Variants in MATR3 observed in about 807,000 individuals in gnomAD.
MATR3 encodes matrin-3.
A neutral mutation model predicts 85.5 loss-of-function variants in MATR3; 4 were observed. The ratio of observed to expected loss-of-function variants is 0.05; its 90% CI spans 0.02 to 0.11. MATR3 has a LOEUF of 0.11. MATR3 is among the 10% of genes least tolerant of loss of function. MATR3 has a pLI of 1.00. For missense variants in MATR3, 685 were observed against 1,016.1 expected (o/e 0.67, Z 4.43); for synonymous variants, 336 against 343.1 (o/e 0.98, Z 0.23).
chr5:139,315,052 TTAA>T (rs983290768), intron 3 of MATR3: 22 of 272,640 alleles, frequency 8.1e-5, no homozygotes, highest in Non-Finnish European at 1.4e-4. Flanking sequence ...AGTAGCATTT[TTAA>T]TAATACATGC....
rs567908011 is a variant in MATR3, at chr5:139,297,922, CAA to C, written c.-178+4118_-178+4119del. Among the ~76,000 whole-genome samples, 1,369 of 152,240 alleles carry C rather than the reference CAA, an allele frequency of 9.0e-3. 6 individuals carry two copies. The highest frequency in any genetic ancestry group is 0.014 in the Non-Finnish European group (950 of 68,012). On this transcript the variant is annotated intron_variant, in intron 1 of 14. Coordinates refer to ENST00000394805, the MANE Select transcript of MATR3 (RefSeq NM_018834.6). ...AGGCAGAAACAGGTTAGTAGGAAAA[CAA>C]GAGGGGAGCTTGCCTGTGGAGAAGG...
At chr5:139,329,238 T>A in intron 14 of MATR3, 107 bp from the exon 15 acceptor site, 1 of 786,190 alleles carries the variant, frequency 1.3e-6, no homozygotes, top group Non-Finnish European at 2.2e-6. Context: ...GACAAAATTA[T>A]AGTTTAAGTC....
Position 139,302,074 on chromosome 5 carries a change from CTT to C in MATR3, c.-177-5160_-177-5159del, listed in dbSNP as rs532725180. ...GTATTTCAGCCTTCCTGGCACTACA[CTT>C]TTTTATCTTTTCTATTGTATGATGA... On this transcript the variant is annotated intron_variant, in intron 1 of 14. Coordinates refer to ENST00000394805, the MANE Select transcript of MATR3 (RefSeq NM_018834.6). Among the ~76,000 whole-genome samples the C allele has an allele frequency of 3.9e-5, 6 of 152,276 alleles. No individual in the cohort carries two copies. In the South Asian group the frequency reaches 1.2e-3, roughly 32 times the overall value.
At chr5:139,319,788 G>A (rs1219061808) in intron 9 of MATR3, among the ~76,000 whole-genome samples, 1 of 147,180 alleles carries the variant, frequency 6.8e-6, no homozygotes, top group Non-Finnish European at 1.5e-5. Flanking sequence ...AGGTTGCAGT[G>A]AGCTGAGATT....
At chr5:139,321,830 C>T (rs1755589328) in intron 9 of MATR3, 68 bp from the exon 10 acceptor site, 1 of 1,515,634 alleles carries the variant, frequency 6.6e-7, no homozygotes, top group Non-Finnish European at 9.1e-7. Context: ...AGGTAGAATA[C>T]ATAATAAGGT....
rs535260931 is a variant in MATR3, at chr5:139,315,660, G to A, written c.975-37G>A. On this transcript the variant is annotated intron_variant, in intron 3 of 14. Coordinates refer to ENST00000394805, the MANE Select transcript of MATR3 (RefSeq NM_018834.6). ...ACAAGGCTGTTTTGTGAAAAGGACA[G>A]TTTTATTTTAAAGTTAATTTTCTGG... The A allele has an allele frequency of 8.1e-6, 12 of 1,480,966 alleles. No individual in the cohort carries two copies. The East Asian group carries it at 1.8e-4, about 22-fold the overall frequency. The allele number at this position is 1,480,966 out of a possible 1,614,324, so 91.7% of individuals were successfully genotyped here.
At chr5:139,281,106 G>A (rs1753502350) in intron 3 of MATR3, among the ~76,000 whole-genome samples, 1 of 152,116 alleles carries the variant, frequency 6.6e-6, no homozygotes, top group African/African-American at 2.4e-5. Context: ...TGACCTCCTG[G>A]GCCAAGCAAA....
At chr5:139,279,356 G>C (rs1372487062) in intron 3 of MATR3, 1 of 332,302 alleles carries the variant, frequency 3.0e-6, no homozygotes, top group East Asian at 7.7e-5. Flanking sequence ...AGCCTCCCGA[G>C]TAGCTGGGAC....
chr5:139,297,755 G>A (rs1270254862), intron 1 of MATR3, among the ~76,000 whole-genome samples: 1 of 152,112 alleles, frequency 6.6e-6, no homozygotes, highest in African/African-American at 2.4e-5. Context: ...AGGCTCTTTG[G>A]AAGTGGAAAA....
intron 3 of MATR3, chr5:139,283,029 T>C (rs1348266038): frequency 2.0e-5 from 3 of 152,270 alleles, no homozygotes; most frequent in Non-Finnish European, 4.4e-5. Context: ...CCATTTTTAT[T>C]CTGTGGTCTT....
At chr5:139,277,170 CATT>C (rs994023593) in intron 2 of MATR3, among the ~76,000 whole-genome samples, 5 of 147,474 alleles carry the variant, frequency 3.4e-5, no homozygotes, top group African/African-American at 1.2e-4. Flanking sequence ...GACAAAGTCT[CATT>C]ATGTTGCCCA....
intron 1 of MATR3, among the ~76,000 whole-genome samples, chr5:139,298,231 G>C (rs1754260840): frequency 6.6e-6 from 1 of 152,078 alleles, no homozygotes; most frequent in East Asian, 1.9e-4. Flanking sequence ...TCAATTATTT[G>C]AGCACTCAAC....
At chr5:139,315,946 GTTAC>G in intron 4 of MATR3, 126 bp from the exon 5 acceptor site, 2 of 808,800 alleles carry the variant, frequency 2.5e-6, no homozygotes, top group Non-Finnish European at 2.1e-6. Context: ...CTTTGACCTA[GTTAC>G]TTCACAGATA....
intron 1 of MATR3, among the ~76,000 whole-genome samples, chr5:139,298,367 T>C (rs1436943139): frequency 2.6e-5 from 4 of 152,138 alleles, no homozygotes; most frequent in Non-Finnish European, 5.9e-5. Context: ...GGCCAGGAGT[T>C]CGAGACCAAC....
In MATR3 at chr5:139,307,384, A is replaced by G; in HGVS notation, c.-32A>G. 6.3e-7 allele frequency: 1 copy of G among 1,577,776 alleles called. No individual in the cohort carries two copies. Among genetic ancestry groups the G allele is most frequent in the Non-Finnish European group, 8.6e-7 (1 of 1,167,808 alleles). On this transcript the variant is annotated 5_prime_UTR_variant, in exon 2 of 15. Transcript: ENST00000394805. This position sits in a 1 kb window ranked among gnomAD's most constrained non-coding sequence, Gnocchi z 4.4. ...CGTCTTTAAAAAAATTTTTTTTTTTAATCTATAAAATAGACAAGAGCTAGT... is the reference window on the plus strand; with the variant it reads ...CGTCTTTAAAAAAATTTTTTTTTTTGATCTATAAAATAGACAAGAGCTAGT...
chr5:139,319,189 G>T (rs1409613470), intron 8 of MATR3, 145 bp from the exon 9 acceptor site: 11 of 1,234,582 alleles, frequency 8.9e-6, no homozygotes, highest in Non-Finnish European at 1.2e-5. Flanking sequence ...GATTATGTGA[G>T]GCCCAGGAGT....
At chr5:139,323,355 A>G (rs1325871121) in intron 12 of MATR3, among the ~76,000 whole-genome samples, 1 of 152,166 alleles carries the variant, frequency 6.6e-6, no homozygotes, top group African/African-American at 2.4e-5. Flanking sequence ...AACTTTTGCC[A>G]CTCATTCAAA....
At chr5:139,274,479 G>A (rs2151840715) in intron 1 of MATR3, 1 of 181,920 alleles carries the variant, frequency 5.5e-6, no homozygotes, top group East Asian at 1.3e-4. Flanking sequence ...CCTTTAACCC[G>A]AGCCTTGAAA....
At chr5:139,329,263 T>C in intron 14 of MATR3, 82 bp from the exon 15 acceptor site, 1 of 958,094 alleles carries the variant, frequency 1.0e-6, no homozygotes, top group Non-Finnish European at 1.7e-6. Context: ...AACTTGGATA[T>C]AGGATATTTG....
Sources: allele counts gnomAD v4.1 joint callset (sites outside exome capture counted in the v4.1 genomes callset), GRCh38; gene constraint gnomAD v4.1.1; non-coding constraint Gnocchi (gnomAD v3.1); transcripts MANE v1.5; gene names NCBI Gene and HGNC (gene_info 2026-07-23, HGNC 2026-07-21).